The following CNGB3 variants were observed in gnomAD, a reference collection of about 807,000 sequenced individuals.
CNGB3 encodes the protein cyclic nucleotide-gated channel beta-3.
A neutral mutation model predicts 92.8 loss-of-function variants in CNGB3; 86 were observed. That is an observed-to-expected ratio of 0.93 (90% CI 0.78 to 1.11). CNGB3 has a LOEUF of 1.11. Ranked by LOEUF, CNGB3 falls within the 50% of genes least tolerant of loss-of-function variation. The pLI, the probability that CNGB3 is intolerant of heterozygous loss-of-function variation, is 0.00. For missense variants in CNGB3, 1,026 were observed against 956.8 expected, an observed-to-expected ratio of 1.07 and a Z score of -0.95; for synonymous variants, 333 against 332.7, an observed-to-expected ratio of 1.00 and a Z score of -0.01.
chr8:86,659,721 C>A, intron 6 of CNGB3: 1 of 377,254 alleles, frequency 2.7e-6, no homozygotes. Flanking sequence ...ACTCTGCCTT[C>A]TCGGACATGA....
intron 14 of CNGB3, 58 bp downstream of exon 14, chr8:86,611,530 G>C: frequency 2.9e-6 from 4 of 1,365,856 alleles, no homozygotes; most frequent in Non-Finnish European, 4.2e-6. Flanking sequence ...CTTGACTTAT[G>C]TCCGAAATCC....
intron 2 of CNGB3, 70 bp downstream of exon 2, chr8:86,739,585 A>C (rs2131683709): frequency 6.3e-7 from 1 of 1,589,342 alleles, no homozygotes; most frequent in Non-Finnish European, 8.5e-7. Flanking sequence ...TTCATCAGAC[A>C]GCACATTTCA....
chr8:86,736,553 T>C lies in CNGB3; in HGVS notation c.211+3102A>G, dbSNP rs145155607. On this transcript the variant is annotated intron_variant, in intron 2 of 17. Transcript: ENST00000320005. ...ATTTTTCTGTGCAAAGAACTGTAGA[T>C]TTAAATCATTACTATTACAAAGTAA... is the stretch of plus-strand genomic sequence containing the variant. Among the ~76,000 whole-genome samples the C allele has an allele frequency of 6.1e-3, 935 of 152,302 alleles. 8 individuals carry two copies. Among genetic ancestry groups the C allele is most frequent in the Middle Eastern group, 0.02 (6 of 294 alleles).
chr8:86,582,482 G>C (rs1194072312), intron 15 of CNGB3, among the ~76,000 whole-genome samples: 1 of 151,558 alleles, frequency 6.6e-6, no homozygotes, highest in Non-Finnish European at 1.5e-5. Flanking sequence ...CATTAAGCAA[G>C]ATAAATGCCA....
At chr8:86,591,387 C>G (rs1332018846) in intron 15 of CNGB3, among the ~76,000 whole-genome samples, 3 of 152,140 alleles carry the variant, frequency 2.0e-5, no homozygotes, top group African/African-American at 7.2e-5. Context: ...TGGTGATGAG[C>G]TGCATTCCTT....
intron 3 of CNGB3, among the ~76,000 whole-genome samples, chr8:86,723,996 T>C (rs1232963577): frequency 5.3e-5 from 8 of 152,004 alleles, no homozygotes; most frequent in Non-Finnish European, 1.0e-4. Context: ...CAAGGACACG[T>C]TGAAGAAAAC....
rs1406499261 is a variant in CNGB3 at position 86,574,210 on chromosome 8, A to T, written c.*1594T>A. 1 of 152,212 alleles carries T rather than the reference A, an allele frequency of 6.6e-6. No homozygotes were observed. Among genetic ancestry groups the T allele is most frequent in the Non-Finnish European group, 1.5e-5 (1 of 68,034 alleles). 9.4% of individuals were successfully genotyped at this position (152,212 alleles called of 1,614,324 possible). A position where few individuals can be genotyped will look rare whatever the true frequency, so the allele number is the denominator to read the frequency against. On this transcript the variant is annotated 3_prime_UTR_variant, in exon 18 of 18. Coordinates refer to ENST00000320005, the MANE Select transcript of CNGB3 (RefSeq NM_019098.5). ...TGGTCTTGTATTTTAATATCATTTG[A>T]ATAAATTACAGGGTGTAAAGGGAAA...
At chr8:86,701,792 T>C (rs1824562146) in intron 3 of CNGB3, among the ~76,000 whole-genome samples, 1 of 152,210 alleles carries the variant, frequency 6.6e-6, no homozygotes, top group South Asian at 2.1e-4. Flanking sequence ...AGTATTTTTA[T>C]ACTCATTTGT....
At chr8:86,608,907 G>A (rs1017918420) in intron 14 of CNGB3, among the ~76,000 whole-genome samples, 3 of 152,088 alleles carry the variant, frequency 2.0e-5, no homozygotes, top group African/African-American at 4.8e-5. Context: ...CGGTCTCCGC[G>A]CATTGGTGGT....
At chr8:86,644,347 C>G (rs755017278) in intron 9 of CNGB3, among the ~76,000 whole-genome samples, 18 of 151,318 alleles carry the variant, frequency 1.2e-4, no homozygotes, top group Non-Finnish European at 2.5e-4. Flanking sequence ...AGTTAACTTG[C>G]AAAAGAGTAT....
chr8:86,577,517 G>T (rs1402038620), intron 17 of CNGB3, among the ~76,000 whole-genome samples: 1 of 152,096 alleles, frequency 6.6e-6, no homozygotes, highest in African/African-American at 2.4e-5. Context: ...CTGAACCATT[G>T]TTCTTGGAGG....
chr8:86,631,636 C>T (rs1412164834), intron 11 of CNGB3, among the ~76,000 whole-genome samples: 1 of 152,078 alleles, frequency 6.6e-6, no homozygotes, highest in Non-Finnish European at 1.5e-5. Flanking sequence ...AAACCAGCTT[C>T]CTATTTCATT....
intron 7 of CNGB3, among the ~76,000 whole-genome samples, chr8:86,651,600 G>A (rs1823404792): frequency 1.3e-5 from 2 of 151,754 alleles, no homozygotes; most frequent in African/African-American, 4.8e-5. Flanking sequence ...AAATCATAAC[G>A]ATCTTTTTGC....
intron 15 of CNGB3, among the ~76,000 whole-genome samples, chr8:86,586,583 G>A (rs4022374): frequency 0.21 from 31,463 of 148,114 alleles, 5,008 homozygotes; most frequent in African/African-American, 0.46. Context: ...GAGAATATGC[G>A]GTGTTTGGTT....
intron 6 of CNGB3, among the ~76,000 whole-genome samples, chr8:86,656,923 CA>C (rs1823519751): frequency 6.6e-6 from 1 of 152,132 alleles, no homozygotes; most frequent in South Asian, 2.1e-4. Context: ...ATGTATGATA[CA>C]GGGGGTGGCC....
chr8:86,681,976 C>T (rs1239810539), intron 3 of CNGB3, among the ~76,000 whole-genome samples: 4 of 152,106 alleles, frequency 2.6e-5, no homozygotes, highest in Non-Finnish European at 4.4e-5. Context: ...TCAGTGGTGG[C>T]TTCTTCCTTT....
chr8:86,731,602 A>G (rs1309073978), intron 2 of CNGB3, among the ~76,000 whole-genome samples: 1 of 152,206 alleles, frequency 6.6e-6, no homozygotes, highest in African/African-American at 2.4e-5. Context: ...CACATTTTAT[A>G]TATAGGTATT....
chr8:86,663,417 C>G (rs952382373), intron 6 of CNGB3, among the ~76,000 whole-genome samples: 2 of 152,202 alleles, frequency 1.3e-5, no homozygotes, highest in African/African-American at 2.4e-5. Context: ...CTTTTAGGAG[C>G]AAGATTTTAT....
At chr8:86,694,390 C>T (rs1824400550) in intron 3 of CNGB3, among the ~76,000 whole-genome samples, 1 of 149,118 alleles carries the variant, frequency 6.7e-6, no homozygotes. Context: ...GGTGGCTGGC[C>T]TGGCGGGGGC....
Sources: gnomAD v4.1 joint callset for allele counts (sites outside exome capture counted in the v4.1 genomes callset) on GRCh38, gnomAD v4.1.1 for gene constraint, MANE v1.5 for transcripts, NCBI Gene and HGNC (gene_info 2026-07-23, HGNC 2026-07-21) for gene names.